PCDH15: variants seen among roughly 807,000 people sequenced by gnomAD.
The protein encoded by PCDH15 is protocadherin related 15, also known as protocadherin-15.
A neutral mutation model predicts 178.5 loss-of-function variants in PCDH15; 129 were observed. The observed-to-expected ratio is 0.72, with a 90% CI of 0.63 to 0.84. PCDH15 has a LOEUF of 0.84. Among genes scored for constraint, PCDH15 ranks in the 40% least tolerant of loss-of-function variants. The pLI is 0.00. For synonymous variants in PCDH15, 800 were observed against 732.0 expected (o/e 1.09, Z -1.50); for missense variants, 2,230 against 2,099.9 (o/e 1.06, Z -1.21).
intron 2 of PCDH15, among the ~76,000 whole-genome samples, chr10:55,378,072 C>T (rs949287675): frequency 2.6e-5 from 4 of 151,846 alleles, no homozygotes; most frequent in Admixed American, 1.3e-4. Flanking sequence ...TAGGGTGCTA[C>T]GGGGAGGGAT....
At chr10:54,598,490 A>G (rs1405932112) in intron 2 of PCDH15, among the ~76,000 whole-genome samples, 1 of 152,164 alleles carries the variant, frequency 6.6e-6, no homozygotes, top group Non-Finnish European at 1.5e-5. Flanking sequence ...AATAAGAGCC[A>G]TATATTGCAA....
intron 21 of PCDH15, among the ~76,000 whole-genome samples, chr10:53,966,724 T>A (rs904226466): frequency 2.0e-5 from 3 of 151,996 alleles, no homozygotes; most frequent in Admixed American, 6.6e-5. Flanking sequence ...TTATTAAGTA[T>A]CTTTTAATAC....
At chr10:54,165,594 A>C (rs1332612636) in intron 13 of PCDH15, among the ~76,000 whole-genome samples, 1 of 152,152 alleles carries the variant, frequency 6.6e-6, no homozygotes, top group Non-Finnish European at 1.5e-5. Context: ...CTCTAATGCT[A>C]TCAAATTCTC....
chr10:54,058,394 C>T (rs1383134919), intron 18 of PCDH15, among the ~76,000 whole-genome samples: 1 of 152,146 alleles, frequency 6.6e-6, no homozygotes, highest in Admixed American at 6.6e-5. Flanking sequence ...GGAGCAAAGT[C>T]CTGGCTTACA....
intron 1 of PCDH15, among the ~76,000 whole-genome samples, chr10:54,691,495 G>T (rs1393240978): frequency 6.6e-6 from 1 of 151,780 alleles, no homozygotes; most frequent in Non-Finnish European, 1.5e-5. Context: ...ATGACCTTTT[G>T]CACCAGTGCA....
chr10:54,419,353 G>T (rs1262545794), intron 3 of PCDH15, among the ~76,000 whole-genome samples: 1 of 136,122 alleles, frequency 7.3e-6, no homozygotes, highest in Non-Finnish European at 1.6e-5. Flanking sequence ...AATTCTTCTT[G>T]GCTTTTCTCC....
intron 2 of PCDH15, among the ~76,000 whole-genome samples, chr10:54,932,619 A>C (rs1404051602): frequency 6.6e-6 from 1 of 152,072 alleles, no homozygotes; most frequent in Admixed American, 6.6e-5. Context: ...GGTGCCATCT[A>C]GGCTCACTGC....
At chr10:54,532,178 A>G (rs894815134) in intron 2 of PCDH15, among the ~76,000 whole-genome samples, 3 of 152,158 alleles carry the variant, frequency 2.0e-5, no homozygotes, top group African/African-American at 7.2e-5. Context: ...AAGCAGAGTG[A>G]TCTTTATAAT....
At chr10:55,073,756 G>A (rs1031502195) in intron 2 of PCDH15, among the ~76,000 whole-genome samples, 1 of 152,068 alleles carries the variant, frequency 6.6e-6, no homozygotes, top group Admixed American at 6.6e-5. Flanking sequence ...GGAGAATTCA[G>A]CAGAGAATTC....
Position 54,634,948 on chromosome 10 carries a change from C to T in PCDH15, c.91+29224G>A, listed in dbSNP as rs558720838. Among the ~76,000 whole-genome samples the T allele has an allele frequency of 5.3e-5, 8 of 151,556 alleles. No individual in the cohort carries two copies. The East Asian group carries it at 7.7e-4, about 15-fold the overall frequency. ...ATAAAGGTGATTTTCTAAGTGTACA[C>T]GGCCTCTTTAGGAAGATAGCAGTAA... On this transcript the variant is annotated intron_variant, in intron 2 of 37. Transcript: ENST00000644397.
intron 2 of PCDH15, among the ~76,000 whole-genome samples, chr10:54,557,874 T>G (rs1010184759): frequency 2.0e-5 from 3 of 152,138 alleles, no homozygotes; most frequent in Admixed American, 6.6e-5. Context: ...TTGTATTGCT[T>G]TAATTTAGGC....
chr10:54,551,147 T>G (rs1278315258), intron 2 of PCDH15, among the ~76,000 whole-genome samples: 4 of 102,462 alleles, frequency 3.9e-5, no homozygotes, highest in African/African-American at 1.6e-4. Flanking sequence ...AGGCTGAGAC[T>G]CTGTCTCAAA....
In PCDH15 at chr10:54,089,950, AT is replaced by A. The variant is rs552244748; in HGVS notation, c.1997+33del. The A allele has an allele frequency of 5.9e-6, 9 of 1,524,626 alleles. No individual in the cohort carries two copies. In the South Asian group the frequency reaches 6.7e-5, roughly 11 times the overall value. The allele number at this position is 1,524,626 out of a possible 1,614,324, so 94.4% of individuals were successfully genotyped here. On this transcript the variant is annotated intron_variant, in intron 16 of 37. Coordinates refer to ENST00000644397, the MANE Select transcript of PCDH15 (RefSeq NM_001384140.1). ...TCTTACTAACAGTACGTTGCTGTAC[AT>A]TTTTTTAAAGTAGGAAATCATTTTT...
At chr10:54,887,754 C>G (rs982323460) in intron 3 of PCDH15, among the ~76,000 whole-genome samples, 1 of 8,288 alleles carries the variant, frequency 1.2e-4, no homozygotes, top group African/African-American at 2.3e-4. Context: ...GAATAAAAGG[C>G]TGACCTTTCA....
chr10:55,347,104 A>T (rs1844783097), intron 2 of PCDH15, among the ~76,000 whole-genome samples: 1 of 152,028 alleles, frequency 6.6e-6, no homozygotes, highest in African/African-American at 2.4e-5. Context: ...AGTCCCAGCT[A>T]CTTGGGAGGC....
intron 8 of PCDH15, among the ~76,000 whole-genome samples, chr10:54,294,884 T>G (rs760351065): frequency 6.6e-6 from 1 of 152,140 alleles, no homozygotes; most frequent in Non-Finnish European, 1.5e-5. Context: ...CATATTCAAA[T>G]AAAATGAAAC....
At chr10:55,536,899 G>C (rs1036128545) in intron 2 of PCDH15, among the ~76,000 whole-genome samples, 2 of 152,006 alleles carry the variant, frequency 1.3e-5, no homozygotes, top group African/African-American at 4.8e-5. Context: ...TTACAGACAT[G>C]AGCCATTGTT....
chr10:55,222,374 A>T (rs968772498), intron 1 of PCDH15, among the ~76,000 whole-genome samples: 4 of 151,926 alleles, frequency 2.6e-5, no homozygotes, highest in African/African-American at 9.7e-5. Context: ...AACAGACACA[A>T]AAATACATGT....
At chr10:54,622,372 C>T (rs1243271780) in intron 2 of PCDH15, among the ~76,000 whole-genome samples, 2 of 150,318 alleles carry the variant, frequency 1.3e-5, no homozygotes, top group African/African-American at 4.9e-5. Flanking sequence ...TGGAAAGGAC[C>T]TTGACTTTGA....
Sources: gnomAD v4.1 joint callset for allele counts (sites outside exome capture counted in the v4.1 genomes callset) on GRCh38, gnomAD v4.1.1 for gene constraint, MANE v1.5 for transcripts, NCBI Gene and HGNC (gene_info 2026-07-23, HGNC 2026-07-21) for gene names.